SKIDA1: variants seen among roughly 807,000 people sequenced by gnomAD.
The protein encoded by SKIDA1 is SKI/DACH domain-containing protein 1.
Under a neutral mutation model 51.4 loss-of-function variants are expected in SKIDA1, and 18 were observed. The observed-to-expected ratio is 0.35, with a 90% CI of 0.24 to 0.52. The LOEUF (loss-of-function observed/expected upper bound fraction) is 0.52, where lower values mean the gene tolerates loss of function less well. SKIDA1 is among the 20% of genes least tolerant of loss of function. SKIDA1 has a pLI of 0.95. For synonymous variants in SKIDA1, 579 were observed against 500.5 expected (o/e 1.16, Z -2.09); for missense variants, 1,104 against 1,180.6 (o/e 0.94, Z 0.95).
In SKIDA1 at chr10:21,516,105, C is replaced by A; in HGVS notation, c.1718G>T (p.Cys573Phe). 1.9e-6 allele frequency: 3 copies of A among 1,614,032 alleles called. No individual in the cohort carries two copies. Among genetic ancestry groups the A allele is most frequent in the Non-Finnish European group, 2.5e-6 (3 of 1,179,892 alleles). The change falls in exon 4 of 4, where the codon TGC becomes TTC. Residue 573 changes from cysteine to phenylalanine, a missense_variant. By Grantham distance (205) the Cys-to-Phe change is radical. This residue lies in a region of SKIDA1 where 938 missense variants were observed against 886.4 expected (regional missense o/e 1.06). Coordinates refer to ENST00000449193, the MANE Select transcript of SKIDA1 (RefSeq NM_207371.4). The surrounding 1 kb of genome is among the most constrained non-coding windows in gnomAD (Gnocchi z 5.7). The part of the protein sequence containing the change: ...AVKRTDLTIN[C>F]LAEGASSPSP... ...AGGTGAAGAGGCCCCCTCTGCCAGGCAGTTAATTGTCAGGTCAGTTCTCTT... is the reference window on the plus strand; with the variant it reads ...AGGTGAAGAGGCCCCCTCTGCCAGGAAGTTAATTGTCAGGTCAGTTCTCTT...
In SKIDA1 at chr10:21,518,583, A is replaced by G. The variant is rs1307169923; in HGVS notation, c.-761T>C. ...ACCGTATATTCGCCTTTAAAGAAATACTGCCTATTTTTTTCGTTTATTTGC... is the reference window on the plus strand; with the variant it reads ...ACCGTATATTCGCCTTTAAAGAAATGCTGCCTATTTTTTTCGTTTATTTGC... On this transcript the variant is annotated 5_prime_UTR_variant, in exon 4 of 4. Coordinates refer to ENST00000449193, the MANE Select transcript of SKIDA1 (RefSeq NM_207371.4). 75 of 166,906 alleles carry G rather than the reference A, an allele frequency of 4.5e-4. No homozygotes were observed. Among genetic ancestry groups the G allele is most frequent in the Non-Finnish European group, 7.3e-5 (5 of 68,072 alleles). 10.3% of individuals were successfully genotyped at this position (166,906 alleles called of 1,614,324 possible).
Position 21,517,871 on chromosome 10 carries a change from G to A in SKIDA1, c.-49C>T. 1 of 1,485,188 alleles carries A rather than the reference G, an allele frequency of 6.7e-7. No individual in the cohort carries two copies. Among genetic ancestry groups the A allele is most frequent in the Non-Finnish European group, 9.1e-7 (1 of 1,093,500 alleles). The allele number at this position is 1,485,188 out of a possible 1,614,324, so 92.0% of individuals were successfully genotyped here. The stretch of plus-strand genomic sequence containing the variant: ...CATTTGCAGTAAATATATACGTGAC[G>A]CATACATACACATGTATGTATGTTA... On this transcript the variant is annotated 5_prime_UTR_variant, in exon 4 of 4. Coordinates refer to ENST00000449193, the MANE Select transcript of SKIDA1 (RefSeq NM_207371.4). This position sits in a 1 kb window ranked among gnomAD's most constrained non-coding sequence, Gnocchi z 6.9.
rs762090291 is a variant in SKIDA1, at chr10:21,516,448, C to G, written c.1375G>C (p.Val459Leu). 6 of 1,612,866 alleles carry G rather than the reference C, an allele frequency of 3.7e-6. No individual in the cohort carries two copies. The highest frequency in any genetic ancestry group is 5.1e-6 in the Non-Finnish European group (6 of 1,179,818). The change falls in exon 4 of 4, where the codon GTG (valine) becomes CTG (leucine). Residue 459 changes from valine to leucine, a missense_variant. Around this residue, in one of 3 missense-constraint regions of SKIDA1, gnomAD observed 938 missense variants for 886.4 expected, o/e 1.06. Coordinates refer to ENST00000449193, the MANE Select transcript of SKIDA1 (RefSeq NM_207371.4). The surrounding 1 kb of genome is among the most constrained non-coding windows in gnomAD (Gnocchi z 5.7). The stretch of plus-strand genomic sequence containing the variant: ...CTGAATCGGATGCTCTGCACTGACA[C>G]TTGGCTGGAGCCGGAGCTGGAGTCC... The part of the protein sequence containing the change: ...ESDSSSGSSQ[V>L]SVQSIRFRRT...
rs2032215826 is a variant in SKIDA1 at position 21,516,569 on chromosome 10, TCCC to T, written c.1251_1253del (p.Gly418del). ...CCTCCTCTTCCTCCTCCTCCTCCTCTCCCTCCTCCTCCTCTTCCTCTGAGGACA... is the reference window on the plus strand; with the variant it reads ...CCTCCTCTTCCTCCTCCTCCTCCTCTTCCTCCTCCTCTTCCTCTGAGGACA... On this transcript the variant is annotated inframe_deletion, in exon 4 of 4. Coordinates refer to ENST00000449193, the MANE Select transcript of SKIDA1 (RefSeq NM_207371.4). This position sits in a 1 kb window ranked among gnomAD's most constrained non-coding sequence, Gnocchi z 5.7. 2 of 1,527,264 alleles carry T rather than the reference TCCC, an allele frequency of 1.3e-6. No homozygotes were observed. The highest frequency in any genetic ancestry group is 1.5e-5 in the African/African-American group (1 of 68,204). 94.6% of individuals were successfully genotyped at this position (1,527,264 alleles called of 1,614,324 possible). A position where few individuals can be genotyped will look rare whatever the true frequency, so the allele number is the denominator to read the frequency against.
In SKIDA1 at chr10:21,515,557, C is replaced by T. The variant is rs528979130; in HGVS notation, c.2266G>A (p.Gly756Ser). 57 of 1,613,802 alleles carry T rather than the reference C, an allele frequency of 3.5e-5. No homozygotes were observed. In the South Asian group the frequency reaches 5.9e-4, roughly 17 times the overall value. The change falls in exon 4 of 4, where the codon GGC becomes AGC. Residue 756 changes from glycine (G) to serine (S), a missense_variant. Gly to Ser is a moderately conservative substitution (Grantham distance 56, BLOSUM62 0). This residue lies in a region of SKIDA1 where 938 missense variants were observed against 886.4 expected (regional missense o/e 1.06). Coordinates refer to ENST00000449193, the MANE Select transcript of SKIDA1 (RefSeq NM_207371.4). ...PSLNPLAQSQ[G>S]LSCTLGSPKP... The stretch of plus-strand genomic sequence containing the variant: ...GGAGAACCTAAAGTGCATGAAAGGC[C>T]CTGACTTTGAGCCAGTGGATTTAAG...
rs2032331424 is a variant in SKIDA1, at chr10:21,519,412, G to A, written c.-1590C>T. ...TTTAACCTCTTCTTAGTCAAATTAA[G>A]GCAAATTTTGGTGTCGTTTTCAAGG... On this transcript the variant is annotated 5_prime_UTR_variant, in exon 4 of 4. Coordinates refer to ENST00000449193, the MANE Select transcript of SKIDA1 (RefSeq NM_207371.4). 12 of 167,008 alleles carry A rather than the reference G, an allele frequency of 7.2e-5. 1 individual carries two copies. The South Asian group carries it at 2.5e-3, about 35-fold the overall frequency. The allele number at this position is 167,008 out of a possible 1,614,324, so 10.3% of individuals were successfully genotyped here. A position where few individuals can be genotyped will look rare whatever the true frequency, so the allele number is the denominator to read the frequency against.
intron 3 of SKIDA1, among the ~76,000 whole-genome samples, chr10:21,520,858 G>C (rs1383889899): frequency 6.6e-6 from 1 of 151,866 alleles, no homozygotes; most frequent in Non-Finnish European, 1.5e-5. Context: ...TAAAGGCTAG[G>C]GAATTTGAGA....
Position 21,516,997 on chromosome 10 carries a change from C to T in SKIDA1, c.826G>A (p.Gly276Ser). 39 of 1,133,540 alleles carry T rather than the reference C, an allele frequency of 3.4e-5. No homozygotes were observed. The highest frequency in any genetic ancestry group is 4.0e-5 in the Non-Finnish European group (37 of 925,074). 70.2% of individuals were successfully genotyped at this position (1,133,540 alleles called of 1,614,324 possible). A position where few individuals can be genotyped will look rare whatever the true frequency, so the allele number is the denominator to read the frequency against. The change falls in exon 4 of 4, where the codon GGC becomes AGC. Residue 276 changes from glycine (G) to serine (S), a missense_variant. Physicochemically the swap from Gly to Ser is moderately conservative, Grantham distance 56. Transcript: ENST00000449193. The surrounding 1 kb of genome is among the most constrained non-coding windows in gnomAD (Gnocchi z 5.7). ...SLSYRCKRKRGGAKDCLLAPH... is the reference protein window; with the variant it reads ...SLSYRCKRKRSGAKDCLLAPH... Reference sequence around the variant, plus strand: ...GCGAGCAGGCAGTCCTTGGCGCCGCCGCGCTTGCGCTTGCAGCGGTAGCTC... The same window carrying T: ...GCGAGCAGGCAGTCCTTGGCGCCGCTGCGCTTGCGCTTGCAGCGGTAGCTC...
Position 21,516,242 on chromosome 10 carries a change from G to C in SKIDA1, c.1581C>G (p.Pro527=), listed in dbSNP as rs1185984403. ...PAEWNLQSWA[P]KASPVYCPAS... ...CCGGGCAGTACACCGGAGATGCTTT[G>C]GGGGCCCAGCTCTGCAGATTCCACT... The change falls in exon 4 of 4, where the codon CCC becomes CCG. Residue 527 remains proline, a synonymous_variant. Coordinates refer to ENST00000449193, the MANE Select transcript of SKIDA1 (RefSeq NM_207371.4). This position sits in a 1 kb window ranked among gnomAD's most constrained non-coding sequence, Gnocchi z 5.7. The C allele has an allele frequency of 3.1e-6, 5 of 1,613,998 alleles. No homozygotes were observed. In the South Asian group the frequency reaches 5.5e-5, roughly 18 times the overall value.
rs1330320851 is a variant in SKIDA1 at position 21,517,270 on chromosome 10, C to T, written c.553G>A (p.Val185Met). The part of the protein sequence containing the change: ...KYPGSHYPEI[V>M]RSPCKPPLNY... ...AGAGGGGGTTTGCACGGCGAGCGCA[C>T]GATCTCCGGGTAGTGCGAGCCGGGG... Residue 185 changes from valine to methionine, a missense_variant, in exon 4 of 4, where the codon GTG becomes ATG. By Grantham distance (21) the Val-to-Met change is conservative (BLOSUM62 1). Around this residue, in one of 3 missense-constraint regions of SKIDA1, gnomAD observed 938 missense variants for 886.4 expected, o/e 1.06. Coordinates refer to ENST00000449193, the MANE Select transcript of SKIDA1 (RefSeq NM_207371.4). This position sits in a 1 kb window ranked among gnomAD's most constrained non-coding sequence, Gnocchi z 6.9. 3 of 1,472,802 alleles carry T rather than the reference C, an allele frequency of 2.0e-6. No individual in the cohort carries two copies. Among genetic ancestry groups the T allele is most frequent in the South Asian group, 1.3e-5 (1 of 75,902 alleles). The allele number at this position is 1,472,802 out of a possible 1,614,324, so 91.2% of individuals were successfully genotyped here.
chr10:21,516,463 A>C lies in SKIDA1; in HGVS notation c.1360T>G (p.Ser454Ala). ...TGCACTGACACTTGGCTGGAGCCGG[A>C]GCTGGAGTCCGACTCGGTGGACGAG... ...EDSSTESDSS[S>A]GSSQVSVQSI... The change falls in exon 4 of 4, where the codon TCC becomes GCC. Residue 454 changes from serine to alanine, a missense_variant. Coordinates refer to ENST00000449193, the MANE Select transcript of SKIDA1 (RefSeq NM_207371.4). The surrounding 1 kb of genome is among the most constrained non-coding windows in gnomAD (Gnocchi z 5.7). 3 of 1,612,030 alleles carry C rather than the reference A, an allele frequency of 1.9e-6. No homozygotes were observed. The South Asian group carries it at 3.3e-5, about 18-fold the overall frequency.
rs2032249361 is a variant in SKIDA1 at position 21,517,005 on chromosome 10, C to A, written c.818G>T (p.Arg273Leu). 8.9e-7 allele frequency: 1 copy of A among 1,120,616 alleles called. No homozygotes were observed. Among genetic ancestry groups the A allele is most frequent in the Admixed American group, 4.7e-5 (1 of 21,304 alleles). The allele number at this position is 1,120,616 out of a possible 1,614,324, so 69.4% of individuals were successfully genotyped here. A position where few individuals can be genotyped will look rare whatever the true frequency, so the allele number is the denominator to read the frequency against. ...GCAGTCCTTGGCGCCGCCGCGCTTGCGCTTGCAGCGGTAGCTCAGGCTCCC... is the reference window on the plus strand; with the variant it reads ...GCAGTCCTTGGCGCCGCCGCGCTTGAGCTTGCAGCGGTAGCTCAGGCTCCC... Reference protein sequence around the residue: ...GPGSLSYRCKRKRGGAKDCLL... With the variant: ...GPGSLSYRCKLKRGGAKDCLL... The change falls in exon 4 of 4, where the codon CGC (arginine) becomes CTC (leucine). Residue 273 changes from arginine (R) to leucine (L), a missense_variant. Physicochemically the swap from Arg to Leu is moderately radical, Grantham distance 102 (BLOSUM62 -2). Around this residue, in one of 3 missense-constraint regions of SKIDA1, gnomAD observed 938 missense variants for 886.4 expected, o/e 1.06. Transcript: ENST00000449193. This position sits in a 1 kb window ranked among gnomAD's most constrained non-coding sequence, Gnocchi z 6.9.
rs999212573 is a variant in SKIDA1, at chr10:21,517,000, G to A, written c.823C>T (p.Arg275Cys). The change falls in exon 4 of 4, where the codon CGC (arginine) becomes TGC (cysteine). Residue 275 changes from arginine (R) to cysteine (C), a missense_variant. Arg to Cys is a radical substitution (Grantham distance 180). Around this residue, in one of 3 missense-constraint regions of SKIDA1, gnomAD observed 938 missense variants for 886.4 expected, o/e 1.06. Transcript: ENST00000449193. This position sits in a 1 kb window ranked among gnomAD's most constrained non-coding sequence, Gnocchi z 5.7. ...GSLSYRCKRK[R>C]GGAKDCLLAP... ...AGCAGGCAGTCCTTGGCGCCGCCGCGCTTGCGCTTGCAGCGGTAGCTCAGG... is the reference window on the plus strand; with the variant it reads ...AGCAGGCAGTCCTTGGCGCCGCCGCACTTGCGCTTGCAGCGGTAGCTCAGG... 7 of 1,130,052 alleles carry A rather than the reference G, an allele frequency of 6.2e-6. No individual in the cohort carries two copies. The highest frequency in any genetic ancestry group is 7.6e-6 in the Non-Finnish European group (7 of 923,666). 70.0% of individuals were successfully genotyped at this position (1,130,052 alleles called of 1,614,324 possible).
At position 21,515,978 on chromosome 10, in the gene SKIDA1, T is replaced by C; in HGVS notation, c.1845A>G (p.Thr615=). 1 of 1,613,972 alleles carries C rather than the reference T, an allele frequency of 6.2e-7. No individual in the cohort carries two copies. Among genetic ancestry groups the C allele is most frequent in the East Asian group, 2.2e-5 (1 of 44,890 alleles). ...CATTATTTAAGAACCTAGCAGCTAT[T>C]GTGTTGTTATCTGCACAGTGTGTAG... ...TPTTHCADNN[T]IAARFLNNDS... Residue 615 remains threonine, a synonymous_variant, in exon 4 of 4, where the codon ACA becomes ACG. Transcript: ENST00000449193.
Position 21,517,438 on chromosome 10 carries a change from G to A in SKIDA1, c.385C>T (p.Pro129Ser). 1 of 1,495,864 alleles carries A rather than the reference G, an allele frequency of 6.7e-7. No homozygotes were observed. The highest frequency in any genetic ancestry group is 8.9e-7 in the Non-Finnish European group (1 of 1,128,518). The allele number at this position is 1,495,864 out of a possible 1,614,324, so 92.7% of individuals were successfully genotyped here. Residue 129 changes from proline (P) to serine (S), a missense_variant, in exon 4 of 4, where the codon CCG becomes TCG. Pro to Ser is a moderately conservative substitution (Grantham distance 74). Transcript: ENST00000449193. This position sits in a 1 kb window ranked among gnomAD's most constrained non-coding sequence, Gnocchi z 6.9. The stretch of plus-strand genomic sequence containing the variant: ...TGGTGCTTGTCCTTCCAAAATCCCG[G>A]GCGGGGGCTGGCGGCAGCGGCGCGC... The part of the protein sequence containing the change: ...PERAAAASPR[P>S]GFWKDKHQLW...
rs780768950 is a variant in SKIDA1 at position 21,515,516 on chromosome 10, C to T, written c.2307G>A (p.Gly769=). The change falls in exon 4 of 4, where the codon GGG becomes GGA. Residue 769 remains glycine (G), a synonymous_variant. Transcript: ENST00000449193. ...CTLGSPKPED[G]EYKFGARVRK... is the part of the protein sequence containing the mutation. ...TCACCCTGGCACCAAATTTATATTC[C>T]CCATCCTCAGGTTTTGGAGAACCTA... is the stretch of plus-strand genomic sequence containing the variant. 3.0e-5 allele frequency: 48 copies of T among 1,613,810 alleles called. No individual in the cohort carries two copies. The highest frequency in any genetic ancestry group is 4.0e-5 in the African/African-American group (3 of 74,860).
At position 21,525,677 on chromosome 10, in the gene SKIDA1, A is replaced by T. The variant is rs895599363; in HGVS notation, c.-2248T>A. On this transcript the variant is annotated 5_prime_UTR_variant, in exon 1 of 4. Transcript: ENST00000449193. ...TTCAACCACCCCCACTTGTTGTTAAAGCAAATTTACTGCGTTATTGCAAGC... is the reference window on the plus strand; with the variant it reads ...TTCAACCACCCCCACTTGTTGTTAATGCAAATTTACTGCGTTATTGCAAGC... 27 of 152,382 alleles carry T rather than the reference A, an allele frequency of 1.8e-4. No homozygotes were observed. The highest frequency in any genetic ancestry group is 6.3e-4 in the African/African-American group (26 of 41,446). The allele number at this position is 152,382 out of a possible 1,614,324, so 9.4% of individuals were successfully genotyped here. A position where few individuals can be genotyped will look rare whatever the true frequency, so the allele number is the denominator to read the frequency against.
In SKIDA1 at chr10:21,513,640, T is replaced by G. The variant is rs1337940390; in HGVS notation, c.*1456A>C. ...CATTTGCATGTTGAACTACTTTGATTTTAAGTGCAAATATAGATAGTCACC... is the reference window on the plus strand; with the variant it reads ...CATTTGCATGTTGAACTACTTTGATGTTAAGTGCAAATATAGATAGTCACC... On this transcript the variant is annotated 3_prime_UTR_variant, in exon 4 of 4. Transcript: ENST00000449193. 6.6e-6 allele frequency: 1 copy of G among 152,618 alleles called. No individual in the cohort carries two copies. Among genetic ancestry groups the G allele is most frequent in the African/African-American group, 2.4e-5 (1 of 41,446 alleles). 9.5% of individuals were successfully genotyped at this position (152,618 alleles called of 1,614,324 possible).
In SKIDA1 at chr10:21,516,994, C is replaced by A; in HGVS notation, c.829G>T (p.Gly277Cys). 8.8e-7 allele frequency: 1 copy of A among 1,139,096 alleles called. No individual in the cohort carries two copies. The allele number at this position is 1,139,096 out of a possible 1,614,324, so 70.6% of individuals were successfully genotyped here. A position where few individuals can be genotyped will look rare whatever the true frequency, so the allele number is the denominator to read the frequency against. ...GGCGCGAGCAGGCAGTCCTTGGCGC[C>A]GCCGCGCTTGCGCTTGCAGCGGTAG... The part of the protein sequence containing the change: ...LSYRCKRKRG[G>C]AKDCLLAPHA... Residue 277 changes from glycine (G) to cysteine (C), a missense_variant, in exon 4 of 4, where the codon GGC becomes TGC. Coordinates refer to ENST00000449193, the MANE Select transcript of SKIDA1 (RefSeq NM_207371.4). The surrounding 1 kb of genome is among the most constrained non-coding windows in gnomAD (Gnocchi z 5.7).
Sources: gnomAD v4.1 joint callset for allele counts (sites outside exome capture counted in the v4.1 genomes callset) on GRCh38, gnomAD v4.1.1 for gene constraint, gnomAD v4.1.1 regional missense constraint, Gnocchi (gnomAD v3.1) non-coding constraint, MANE v1.5 for transcripts, NCBI Gene and HGNC (gene_info 2026-07-23, HGNC 2026-07-21) for gene names.